The following PARP8 variants were observed in gnomAD, a reference collection of about 807,000 sequenced individuals.
The protein encoded by PARP8 is poly(ADP-ribose) polymerase family member 8.
Under a neutral mutation model 124.1 loss-of-function variants are expected in PARP8, and 51 were observed. The ratio of observed to expected loss-of-function variants is 0.41; its 90% CI spans 0.33 to 0.52. The LOEUF is 0.52. PARP8 is among the 20% of genes least tolerant of loss of function. The probability of loss-of-function intolerance (pLI) is 0.21; values close to 1 mark genes in which losing one functional copy is unlikely to be tolerated. For missense variants in PARP8, 860 were observed against 1,018.9 expected, an observed-to-expected ratio of 0.84 and a Z score of 2.12; for synonymous variants, 391 against 361.5, an observed-to-expected ratio of 1.08 and a Z score of -0.93.
intron 2 of PARP8, among the ~76,000 whole-genome samples, chr5:50,705,344 ATAT>A (rs1754024869): frequency 6.6e-6 from 1 of 152,222 alleles, no homozygotes; most frequent in Non-Finnish European, 1.5e-5. Context: ...GGATAGAAGT[ATAT>A]TATTTCAAGT....
chr5:50,834,905 C>T, intron 24 of PARP8, 26 bp from the exon 25 acceptor site: 2 of 1,588,802 alleles, frequency 1.3e-6, no homozygotes, highest in South Asian at 1.1e-5. Context: ...TAAAGTGGTT[C>T]TTTAATTTTA....
rs750374854 is a variant in PARP8 at position 50,750,146 on chromosome 5, A to G, written c.147-5A>G. 41 of 1,581,850 alleles carry G rather than the reference A, an allele frequency of 2.6e-5. No homozygotes were observed. Among genetic ancestry groups the G allele is most frequent in the Non-Finnish European group, 3.5e-5 (40 of 1,155,556 alleles). ...TGAGCCTTTTTTGTTTGTTTGTTTTAACAGTGTATCCTACTCAGTACATGT... is the reference window on the plus strand; with the variant it reads ...TGAGCCTTTTTTGTTTGTTTGTTTTGACAGTGTATCCTACTCAGTACATGT... On this transcript the variant is annotated splice_polypyrimidine_tract_variant and splice_region_variant and intron_variant, in intron 2 of 25. Coordinates refer to ENST00000281631, the MANE Select transcript of PARP8 (RefSeq NM_024615.4).
At position 50,797,018 on chromosome 5, in the gene PARP8, G is replaced by A; in HGVS notation, c.1465G>A (p.Gly489Ser). 1.2e-6 allele frequency: 2 copies of A among 1,612,738 alleles called. No homozygotes were observed. Among genetic ancestry groups the A allele is most frequent in the Non-Finnish European group, 1.7e-6 (2 of 1,179,270 alleles). Residue 489 changes from glycine (G) to serine (S), a missense_variant, in exon 13 of 26, where the codon GGC becomes AGC. This residue lies in a region of PARP8 where 343 missense variants were observed against 474.7 expected (regional missense o/e 0.72). Transcript: ENST00000281631. ...AAAATGCATTCCAGTACGAGACCGTGGCTTCCTGGTGCAGGTATGAGCCAA... is the reference window on the plus strand; with the variant it reads ...AAAATGCATTCCAGTACGAGACCGTAGCTTCCTGGTGCAGGTATGAGCCAA... Reference protein sequence around the residue: ...GAKCIPVRDRGFLVQTIEFAE... With the variant: ...GAKCIPVRDRSFLVQTIEFAE...
At chr5:50,667,739 T>C (rs921030667) in intron 1 of PARP8, 7 of 705,676 alleles carry the variant, frequency 9.9e-6, no homozygotes, top group Middle Eastern at 3.6e-4. Context: ...CGCCCCTGCC[T>C]GGGGGTCGCC....
At chr5:50,680,131 T>C (rs546689746) in intron 2 of PARP8, among the ~76,000 whole-genome samples, 1 of 152,236 alleles carries the variant, frequency 6.6e-6, no homozygotes, top group Admixed American at 6.5e-5. Context: ...GCTGTACAGA[T>C]TCTGTGGGAG....
intron 2 of PARP8, among the ~76,000 whole-genome samples, chr5:50,737,617 C>T (rs1757602316): frequency 6.6e-6 from 1 of 152,140 alleles, no homozygotes; most frequent in Non-Finnish European, 1.5e-5. Flanking sequence ...AATTGAATGT[C>T]CCTCACCAGT....
At chr5:50,743,781 A>G (rs1243450176) in intron 2 of PARP8, among the ~76,000 whole-genome samples, 1 of 152,114 alleles carries the variant, frequency 6.6e-6, no homozygotes, top group Non-Finnish European at 1.5e-5. Context: ...ATTAAAAATT[A>G]ATTGATTAAA....
At chr5:50,684,748 C>T (rs1252815257) in intron 2 of PARP8, among the ~76,000 whole-genome samples, 1 of 152,128 alleles carries the variant, frequency 6.6e-6, no homozygotes, top group African/African-American at 2.4e-5. Flanking sequence ...ATCAGGATGG[C>T]TACTCTGAAG....
At chr5:50,745,318 A>C (rs544600159) in intron 2 of PARP8, among the ~76,000 whole-genome samples, 1 of 152,178 alleles carries the variant, frequency 6.6e-6, no homozygotes, top group African/African-American at 2.4e-5. Context: ...GAGAACATTC[A>C]TTCATGTAAA....
chr5:50,833,056 A>G (rs1487535668), intron 23 of PARP8, among the ~76,000 whole-genome samples: 2 of 152,168 alleles, frequency 1.3e-5, no homozygotes, highest in Non-Finnish European at 2.9e-5. Context: ...TTTATCTCCC[A>G]CTATAATACC....
At chr5:50,687,853 G>A (rs745666573) in intron 2 of PARP8, among the ~76,000 whole-genome samples, 9 of 152,144 alleles carry the variant, frequency 5.9e-5, no homozygotes, top group East Asian at 3.9e-4. Context: ...CTCACAGCAC[G>A]TGGAAATTCA....
chr5:50,775,235 A>G (rs992944375), intron 7 of PARP8, among the ~76,000 whole-genome samples: 28 of 152,194 alleles, frequency 1.8e-4, no homozygotes, highest in African/African-American at 6.8e-4. Context: ...TAGTGAGCCG[A>G]GATCACGCCA....
rs181886605 is a variant in PARP8, at chr5:50,837,915, G to A, written c.2462+2900G>A. 9.4e-4 allele frequency among the ~76,000 whole-genome samples: 143 copies of A among 152,180 alleles called. No homozygotes were observed. In the Middle Eastern group the frequency reaches 0.014, roughly 15 times the overall value. ...TGTAATAGATCAGATGTTATGAACA[G>A]ATCCAAGCCAATTCCTAGTTTCTAG... On this transcript the variant is annotated intron_variant, in intron 25 of 25. Transcript: ENST00000281631.
At chr5:50,692,489 A>G (rs1419292922) in intron 2 of PARP8, among the ~76,000 whole-genome samples, 1 of 152,004 alleles carries the variant, frequency 6.6e-6, no homozygotes, top group Non-Finnish European at 1.5e-5. Context: ...AAAGGCAGAA[A>G]GAAGCTTTTT....
intron 3 of PARP8, among the ~76,000 whole-genome samples, chr5:50,752,071 C>A (rs1004779685): frequency 6.6e-6 from 1 of 151,902 alleles, no homozygotes; most frequent in East Asian, 1.9e-4. Flanking sequence ...AGCATGCTTC[C>A]AGTTGTTTTC....
intron 2 of PARP8, among the ~76,000 whole-genome samples, chr5:50,686,177 C>T (rs34855203): frequency 0.11 from 16,802 of 152,242 alleles, 1,371 homozygotes; most frequent in African/African-American, 0.23. Flanking sequence ...AGATGCATTG[C>T]GGATACAGGC....
chr5:50,779,818 T>G (rs1740463528), intron 9 of PARP8, among the ~76,000 whole-genome samples: 1 of 152,250 alleles, frequency 6.6e-6, no homozygotes, highest in African/African-American at 2.4e-5. Flanking sequence ...GGAAACATAC[T>G]TGTTCTTTCA....
intron 2 of PARP8, among the ~76,000 whole-genome samples, chr5:50,681,302 TG>T (rs1387516062): frequency 6.6e-6 from 1 of 152,108 alleles, no homozygotes; most frequent in Non-Finnish European, 1.5e-5. Context: ...TTTTTGGCCT[TG>T]TTTTGTTTTT....
chr5:50,667,305 G>T, intron 1 of PARP8, 119 bp downstream of exon 1: 1 of 1,066,282 alleles, frequency 9.4e-7, no homozygotes, highest in South Asian at 1.3e-5. Context: ...GGGTTCATTT[G>T]GCAACAGCTG....
Sources: allele counts gnomAD v4.1 joint callset (sites outside exome capture counted in the v4.1 genomes callset), GRCh38; gene constraint gnomAD v4.1.1; regional missense constraint gnomAD v4.1.1; transcripts MANE v1.5; gene names NCBI Gene and HGNC (gene_info 2026-07-23, HGNC 2026-07-21).